The following KCNMA1 variants were observed in gnomAD, a reference collection of about 807,000 sequenced individuals.
KCNMA1 encodes Calcium-activated potassium channel subunit alpha-1.
In KCNMA1, 29 loss-of-function variants were observed where a neutral mutation model predicts 140.0. The observed-to-expected ratio is 0.21, with a 90% CI of 0.15 to 0.28. The LOEUF is 0.28. KCNMA1 is among the 10% of genes least tolerant of loss of function. KCNMA1 has a pLI of 1.00. For missense variants in KCNMA1, 880 were observed against 1,602.2 expected, an observed-to-expected ratio of 0.55 and a Z score of 7.70; for synonymous variants, 612 against 611.9, an observed-to-expected ratio of 1.00 and a Z score of 0.00.
At chr10:77,588,936 T>A (rs2078139051) in intron 1 of KCNMA1, among the ~76,000 whole-genome samples, 1 of 152,236 alleles carries the variant, frequency 6.6e-6, no homozygotes, top group Admixed American at 6.5e-5. Context: ...GGGGAGGAGC[T>A]GGCAAACATT....
chr10:77,485,029 A>T (rs2098444708), intron 1 of KCNMA1, among the ~76,000 whole-genome samples: 1 of 152,220 alleles, frequency 6.6e-6, no homozygotes, highest in Non-Finnish European at 1.5e-5. Flanking sequence ...GGGATGTTCT[A>T]AGCCAATTTA....
chr10:77,408,726 G>A (rs761952074), intron 1 of KCNMA1, among the ~76,000 whole-genome samples: 3 of 152,202 alleles, frequency 2.0e-5, no homozygotes, highest in Non-Finnish European at 4.4e-5. Context: ...GCCATCGCGT[G>A]GGGAGGCCAT....
chr10:77,455,850 C>T (rs991140011), intron 1 of KCNMA1, among the ~76,000 whole-genome samples: 10 of 152,222 alleles, frequency 6.6e-5, no homozygotes, highest in Non-Finnish European at 1.2e-4. Flanking sequence ...TTAATCCAAA[C>T]GCCCCCTTTC....
chr10:77,036,205 G>T (rs931348555), intron 15 of KCNMA1, among the ~76,000 whole-genome samples: 1 of 152,182 alleles, frequency 6.6e-6, no homozygotes, highest in Non-Finnish European at 1.5e-5. Context: ...CCAGTGATTT[G>T]CCAGGGGCTC....
chr10:77,387,616 CTTT>C (rs2095661928), intron 2 of KCNMA1, among the ~76,000 whole-genome samples: 2 of 114,452 alleles, frequency 1.7e-5, no homozygotes, highest in Admixed American at 8.9e-5. Flanking sequence ...TCTTTCTTTT[CTTT>C]TCTTTTCTTT....
chr10:77,174,008 T>C (rs2098731313), intron 5 of KCNMA1, among the ~76,000 whole-genome samples: 1 of 152,060 alleles, frequency 6.6e-6, no homozygotes, highest in Non-Finnish European at 1.5e-5. Flanking sequence ...CCCCTTCCCC[T>C]CTCCCCTTGC....
At chr10:77,066,652 A>G (rs2095962802) in intron 14 of KCNMA1, among the ~76,000 whole-genome samples, 2 of 152,216 alleles carry the variant, frequency 1.3e-5, no homozygotes, top group Non-Finnish European at 1.5e-5. Context: ...TGAGATTATC[A>G]AGGAAGTGAG....
chr10:77,378,554 G>A (rs769915767), intron 2 of KCNMA1, among the ~76,000 whole-genome samples: 2 of 152,148 alleles, frequency 1.3e-5, no homozygotes, highest in African/African-American at 2.4e-5. Flanking sequence ...TGGGGCTCTG[G>A]TTTGGGTGGG....
intron 23 of KCNMA1, among the ~76,000 whole-genome samples, chr10:76,919,325 A>C (rs1032389699): frequency 5.3e-5 from 8 of 152,162 alleles, no homozygotes; most frequent in African/African-American, 1.9e-4. Context: ...AAACAATAAA[A>C]ATAAAATAAA....
At chr10:77,602,886 A>T (rs1389912522) in intron 1 of KCNMA1, among the ~76,000 whole-genome samples, 1 of 152,184 alleles carries the variant, frequency 6.6e-6, no homozygotes, top group African/African-American at 2.4e-5. Context: ...TTCATCTCAG[A>T]GGGGAGCTGA....
intron 12 of KCNMA1, among the ~76,000 whole-genome samples, chr10:77,081,297 C>A (rs1207394821): frequency 1.3e-5 from 2 of 152,140 alleles, no homozygotes; most frequent in South Asian, 4.1e-4. Flanking sequence ...GTATGAGCAG[C>A]AAATGGGAGA....
chr10:77,258,914 G>A (rs186312502), intron 2 of KCNMA1, among the ~76,000 whole-genome samples: 103 of 152,218 alleles, frequency 6.8e-4, no homozygotes, highest in Admixed American at 1.8e-3. Flanking sequence ...AGCAAGCCGA[G>A]ATAACGCCAC....
intron 9 of KCNMA1, chr10:77,091,719 A>C (rs1439787472): frequency 6.6e-6 from 1 of 152,210 alleles, no homozygotes; most frequent in Non-Finnish European, 1.5e-5. Flanking sequence ...TGTCCCTTGC[A>C]CTTCATAATT....
intron 23 of KCNMA1, among the ~76,000 whole-genome samples, chr10:76,918,879 GAT>G (rs760924371): frequency 1.4e-4 from 21 of 149,016 alleles, no homozygotes; most frequent in East Asian, 3.9e-4. Flanking sequence ...GAAACTGTGA[GAT>G]ATATATATAT....
intron 3 of KCNMA1, among the ~76,000 whole-genome samples, chr10:77,244,567 T>C (rs1025192953): frequency 6.6e-6 from 1 of 152,144 alleles, no homozygotes; most frequent in Admixed American, 6.5e-5. Context: ...ATGAAACCAA[T>C]CTGTTTGACA....
chr10:77,409,251 G>A (rs1014350452), intron 1 of KCNMA1, among the ~76,000 whole-genome samples: 4 of 152,148 alleles, frequency 2.6e-5, no homozygotes, highest in Admixed American at 2.6e-4. Flanking sequence ...ATTTCCCGCT[G>A]AATCACAAGA....
chr10:77,093,465 G>A (rs958661504), intron 9 of KCNMA1, among the ~76,000 whole-genome samples: 17 of 152,100 alleles, frequency 1.1e-4, no homozygotes, highest in African/African-American at 4.1e-4. Flanking sequence ...TTATCAAGGA[G>A]CCCACATATT....
At chr10:76,940,647 G>A (rs889330383) in intron 23 of KCNMA1, among the ~76,000 whole-genome samples, 2 of 152,088 alleles carry the variant, frequency 1.3e-5, no homozygotes, top group Non-Finnish European at 2.9e-5. Context: ...AGAAATCTGT[G>A]TAGTTATCAC....
intron 2 of KCNMA1, among the ~76,000 whole-genome samples, chr10:77,306,970 T>C (rs1020816864): frequency 2.6e-5 from 4 of 152,318 alleles, no homozygotes; most frequent in East Asian, 1.9e-4. Flanking sequence ...GAAGCCAGTA[T>C]TGGTACGAGG....
Sources: gnomAD v4.1 joint callset for allele counts (sites outside exome capture counted in the v4.1 genomes callset) on GRCh38, gnomAD v4.1.1 for gene constraint, MANE v1.5 for transcripts, NCBI Gene and HGNC (gene_info 2026-07-23, HGNC 2026-07-21) for gene names.